Variants in ESRRA observed in about 807,000 individuals in gnomAD.
ESRRA encodes steroid hormone receptor ERR1.
Under a neutral mutation model 35.6 loss-of-function variants are expected in ESRRA, and 7 were observed. The observed-to-expected ratio is 0.20, with a 90% CI of 0.11 to 0.37. ESRRA has a LOEUF of 0.37. Ranked by LOEUF, ESRRA falls within the 10% of genes least tolerant of loss-of-function variation. ESRRA has a pLI of 1.00. For missense variants in ESRRA, 378 were observed against 561.7 expected, an observed-to-expected ratio of 0.67 and a Z score of 3.31; for synonymous variants, 223 against 246.9, an observed-to-expected ratio of 0.90 and a Z score of 0.91.
In ESRRA at chr11:64,310,243, T is replaced by G. The variant is rs539261247; in HGVS notation, c.325+2739T>G. ...GATTGTGACATTCCAGCACGTTTTT[T>G]TTTTTTTTTTTGAGACAGTCTCGTG... On this transcript the variant is annotated intron_variant, in intron 2 of 6. Transcript: ENST00000000442. 3.3e-5 allele frequency among the ~76,000 whole-genome samples: 5 copies of G among 151,734 alleles called. No homozygotes were observed. In the East Asian group the frequency reaches 5.8e-4, roughly 18 times the overall value.
chr11:64,314,318 C>T lies in ESRRA; in HGVS notation c.522C>T (p.Gly174=), dbSNP rs1401911580. Residue 174 remains glycine (G), a synonymous_variant, in exon 4 of 7, where the codon GGC becomes GGT. Transcript: ENST00000000442. ...RPEVDPLPFP[G]PFPAGPLAVA... ...AGGTGGACCCACTGCCCTTCCCGGG[C>T]CCCTTCCCTGCTGGGCCCCTGGCAG... is the stretch of plus-strand genomic sequence containing the variant. The T allele has an allele frequency of 1.9e-6, 3 of 1,607,082 alleles. No homozygotes were observed. Among genetic ancestry groups the T allele is most frequent in the Non-Finnish European group, 2.5e-6 (3 of 1,177,344 alleles).
At chr11:64,314,667 C>A in intron 4 of ESRRA, 74 bp from the exon 5 acceptor site, 1 of 1,459,698 alleles carries the variant, frequency 6.9e-7, no homozygotes, top group South Asian at 1.3e-5. Context: ...GGGGGAGCCA[C>A]TGTGGGAAGA....
At chr11:64,309,170 A>G (rs2035093229) in intron 2 of ESRRA, among the ~76,000 whole-genome samples, 1 of 150,738 alleles carries the variant, frequency 6.6e-6, no homozygotes. Flanking sequence ...TTGGTGGCTC[A>G]TGGCCTGTAA....
Position 64,313,965 on chromosome 11 carries a change from A to C in ESRRA, c.340A>C (p.Ser114Arg), listed in dbSNP as rs1372105131. ...CTTCCTGGCAGGGAGCATCGAGTAC[A>C]GCTGTCCGGCCTCCAACGAGTGTGA... ...KRTIQGSIEY[S>R]CPASNECEIT... The change falls in exon 3 of 7, where the codon AGC becomes CGC. Residue 114 changes from serine to arginine, a missense_variant. Around this residue, in one of 4 missense-constraint regions of ESRRA, gnomAD observed 284 missense variants for 411.7 expected, o/e 0.69. Coordinates refer to ENST00000000442, the MANE Select transcript of ESRRA (RefSeq NM_004451.5). This position sits in a 1 kb window ranked among gnomAD's most constrained non-coding sequence, Gnocchi z 4.0. The C allele has an allele frequency of 6.3e-7, 1 of 1,578,806 alleles. No homozygotes were observed. The highest frequency in any genetic ancestry group is 1.2e-5 in the South Asian group (1 of 86,918).
At chr11:64,310,984 A>AC (rs1355957484) in intron 2 of ESRRA, among the ~76,000 whole-genome samples, 1 of 152,106 alleles carries the variant, frequency 6.6e-6, no homozygotes, top group East Asian at 1.9e-4. Flanking sequence ...CTGTATGTTG[A>AC]CTATTGACAA....
At chr11:64,307,116 C>G (rs2035049038) in intron 1 of ESRRA, 52 bp from the exon 2 acceptor site, 1 of 1,444,662 alleles carries the variant, frequency 6.9e-7, no homozygotes, top group East Asian at 2.4e-5. Context: ...CAGGGTGTCT[C>G]CCATCCCCCA....
intron 1 of ESRRA, 58 bp from the exon 2 acceptor site, chr11:64,307,110 G>T (rs2035048408): frequency 1.4e-6 from 2 of 1,414,514 alleles, no homozygotes; most frequent in African/African-American, 1.4e-5. Context: ...GTGTGGCAGG[G>T]TGTCTCCCAT....
Position 64,316,655 on chromosome 11 carries a change from C to CT in ESRRA, c.*690dup, listed in dbSNP as rs2035277315. 2 of 578,090 alleles carry CT rather than the reference C, an allele frequency of 3.5e-6. No homozygotes were observed. Among genetic ancestry groups the CT allele is most frequent in the Admixed American group, 3.1e-5 (1 of 32,184 alleles). 35.8% of individuals were successfully genotyped at this position (578,090 alleles called of 1,614,324 possible). On this transcript the variant is annotated 3_prime_UTR_variant, in exon 7 of 7. Coordinates refer to ENST00000000442, the MANE Select transcript of ESRRA (RefSeq NM_004451.5). ...CAGAGCCCTTGGCTGTACAGAGACT[C>CT]TATTTTAATGTATATTTGCTGCAAA...
At position 64,316,142 on chromosome 11, in the gene ESRRA, GTCA is replaced by G; in HGVS notation, c.*177_*179del. The G allele has an allele frequency of 7.0e-6, 5 of 719,218 alleles. No homozygotes were observed. Among genetic ancestry groups the G allele is most frequent in the Non-Finnish European group, 1.1e-5 (5 of 444,660 alleles). The allele number at this position is 719,218 out of a possible 1,614,324, so 44.6% of individuals were successfully genotyped here. A position where few individuals can be genotyped will look rare whatever the true frequency, so the allele number is the denominator to read the frequency against. On this transcript the variant is annotated 3_prime_UTR_variant, in exon 7 of 7. Transcript: ENST00000000442. ...CCCTCTCCTCCCCCTCCTAGGGGGT[GTCA>G]GAAGCTGGGAACGTGTGTCCAGGCT...
chr11:64,312,208 C>T (rs546420017), intron 2 of ESRRA, among the ~76,000 whole-genome samples: 1 of 145,246 alleles, frequency 6.9e-6, no homozygotes, highest in African/African-American at 2.6e-5. Flanking sequence ...GGCACAATCT[C>T]GGCTCACTGC....
At chr11:64,311,490 A>G (rs948259312) in intron 2 of ESRRA, among the ~76,000 whole-genome samples, 4 of 149,604 alleles carry the variant, frequency 2.7e-5, no homozygotes, top group Non-Finnish European at 5.9e-5. Flanking sequence ...ATCTCGGCTC[A>G]GTGCAAGCTC....
At chr11:64,307,888 C>T (rs1310811224) in intron 2 of ESRRA, among the ~76,000 whole-genome samples, 1 of 152,026 alleles carries the variant, frequency 6.6e-6, no homozygotes, top group Non-Finnish European at 1.5e-5. Flanking sequence ...CAACACAAGG[C>T]AGATTTTAAT....
At position 64,316,506 on chromosome 11, in the gene ESRRA, C is replaced by T. The variant is rs1204911096; in HGVS notation, c.*540C>T. 1 of 231,678 alleles carries T rather than the reference C, an allele frequency of 4.3e-6. No individual in the cohort carries two copies. Among genetic ancestry groups the T allele is most frequent in the African/African-American group, 2.3e-5 (1 of 43,438 alleles). 14.4% of individuals were successfully genotyped at this position (231,678 alleles called of 1,614,324 possible). On this transcript the variant is annotated 3_prime_UTR_variant, in exon 7 of 7. Coordinates refer to ENST00000000442, the MANE Select transcript of ESRRA (RefSeq NM_004451.5). The stretch of plus-strand genomic sequence containing the variant: ...CCTGGGGTGGCCAGGGCTTCCCCAT[C>T]AGCTCCCAACGAGCCTCCTCAGGGG...
At position 64,307,326 on chromosome 11, in the gene ESRRA, C is replaced by A. The variant is rs2035055737; in HGVS notation, c.147C>A (p.Gly49=). 1 of 1,612,946 alleles carries A rather than the reference C, an allele frequency of 6.2e-7. No individual in the cohort carries two copies. The highest frequency in any genetic ancestry group is 1.3e-5 in the African/African-American group (1 of 75,050). Residue 49 remains glycine, a synonymous_variant, in exon 2 of 7, where the codon GGC becomes GGA. Transcript: ENST00000000442. ...PGPAPTRCLP[G]HKEEEDGEGA... ...CAGCTCCCACTCGCTGCCTCCCAGG[C>A]CACAAGGAAGAGGAGGATGGGGAGG...
Position 64,313,849 on chromosome 11 carries a change from C to T in ESRRA, c.326-102C>T, listed in dbSNP as rs2035186669. 6.5e-6 allele frequency: 5 copies of T among 772,004 alleles called. No homozygotes were observed. The highest frequency in any genetic ancestry group is 3.9e-4 in the Middle Eastern group (1 of 2,586). The allele number at this position is 772,004 out of a possible 1,614,324, so 47.8% of individuals were successfully genotyped here. On this transcript the variant is annotated intron_variant, in intron 2 of 6. Transcript: ENST00000000442. The surrounding 1 kb of genome is among the most constrained non-coding windows in gnomAD (Gnocchi z 4.0). Reference sequence around the variant, plus strand: ...CTGCTCTCCCTTTCCTCCCCATACCCCCAGACCTGTGCTTGCCCGGGGAGA... The same window carrying T: ...CTGCTCTCCCTTTCCTCCCCATACCTCCAGACCTGTGCTTGCCCGGGGAGA...
At chr11:64,314,657 G>A (rs372562185) in intron 4 of ESRRA, 84 bp from the exon 5 acceptor site, 3 of 1,390,392 alleles carry the variant, frequency 2.2e-6, no homozygotes, top group Non-Finnish European at 2.0e-6. Flanking sequence ...GAAGGCCACA[G>A]GGGGAGCCAC....
Position 64,316,679 on chromosome 11 carries a change from AAG to A in ESRRA, c.*717_*718del, listed in dbSNP as rs1266267807. On this transcript the variant is annotated 3_prime_UTR_variant, in exon 7 of 7. Transcript: ENST00000000442. ...TCTATTTTAATGTATATTTGCTGCA[AAG>A]AGAAACCGCTTTTGGTTTTAAACCT... 1.6e-6 allele frequency: 1 copy of A among 607,008 alleles called. No individual in the cohort carries two copies. Among genetic ancestry groups the A allele is most frequent in the Non-Finnish European group, 3.0e-6 (1 of 334,612 alleles). 37.6% of individuals were successfully genotyped at this position (607,008 alleles called of 1,614,324 possible).
intron 1 of ESRRA, chr11:64,306,832 G>A (rs557808388): frequency 4.2e-4 from 95 of 227,250 alleles, no homozygotes; most frequent in African/African-American, 2.0e-3. Context: ...TCCTGCTCCT[G>A]GCTAGGGATT....
rs766797384 is a variant in ESRRA, at chr11:64,307,322, C to T, written c.143C>T (p.Pro48Leu). The change falls in exon 2 of 7, where the codon CCA becomes CTA. Residue 48 changes from proline to leucine, a missense_variant. Physicochemically the swap from Pro to Leu is moderately conservative, Grantham distance 98. Coordinates refer to ENST00000000442, the MANE Select transcript of ESRRA (RefSeq NM_004451.5). ...GGTCCAGCTCCCACTCGCTGCCTCC[C>T]AGGCCACAAGGAAGAGGAGGATGGG... Reference protein sequence around the residue: ...APGPAPTRCLPGHKEEEDGEG... With the variant: ...APGPAPTRCLLGHKEEEDGEG... 15 of 1,612,936 alleles carry T rather than the reference C, an allele frequency of 9.3e-6. No individual in the cohort carries two copies. In the Admixed American group the frequency reaches 2.5e-4, roughly 27 times the overall value.
Sources: allele counts gnomAD v4.1 joint callset (sites outside exome capture counted in the v4.1 genomes callset), GRCh38; gene constraint gnomAD v4.1.1; regional missense constraint gnomAD v4.1.1; non-coding constraint Gnocchi (gnomAD v3.1); transcripts MANE v1.5; gene names NCBI Gene and HGNC (gene_info 2026-07-23, HGNC 2026-07-21).